MAST4: variants seen among roughly 807,000 people sequenced by gnomAD.
The protein encoded by MAST4 is microtubule-associated serine/threonine-protein kinase 4.
A neutral mutation model predicts 162.7 loss-of-function variants in MAST4; 89 were observed. That is an observed-to-expected ratio of 0.55 (90% CI 0.46 to 0.65). The LOEUF (loss-of-function observed/expected upper bound fraction) is 0.65. Ranked by LOEUF, MAST4 falls within the 30% of genes least tolerant of loss-of-function variation. The pLI is 0.00. For synonymous variants in MAST4, 1,479 were observed against 1,361.1 expected, an observed-to-expected ratio of 1.09 and a Z score of -1.91; for missense variants, 3,153 against 3,374.0, an observed-to-expected ratio of 0.93 and a Z score of 1.62.
At chr5:67,110,025 A>G (rs895601755) in intron 10 of MAST4, 73 bp from the exon 11 acceptor site, 2 of 1,057,914 alleles carry the variant, frequency 1.9e-6, no homozygotes, top group Non-Finnish European at 2.9e-6. Flanking sequence ...TCTAATTAGC[A>G]TGCTTTGCTG....
chr5:67,118,633 C>A, intron 12 of MAST4, 49 bp from the exon 13 acceptor site: 1 of 1,111,630 alleles, frequency 9.0e-7, no homozygotes, highest in Middle Eastern at 2.0e-4. Context: ...GTATTCTTAT[C>A]CAATTGCAAT....
chr5:66,995,445 C>A (rs890441613), intron 4 of MAST4, among the ~76,000 whole-genome samples: 1 of 152,112 alleles, frequency 6.6e-6, no homozygotes, highest in Non-Finnish European at 1.5e-5. Flanking sequence ...ACTCTGTCTC[C>A]CAGGTTGGAG....
At chr5:67,141,817 C>G (rs981477203) in intron 19 of MAST4, among the ~76,000 whole-genome samples, 1 of 152,126 alleles carries the variant, frequency 6.6e-6, no homozygotes, top group Admixed American at 6.5e-5. Context: ...CCAGGTTCAG[C>G]ATACTGTGAT....
rs186254238 is a variant in MAST4, at chr5:67,088,629, T to G, written c.764-1533T>G. Reference sequence around the variant, plus strand: ...AGAACTTAATTTAGCTGTGTGTAGATAAATGGACAAAATGAATCCTGGATT... The same window carrying G: ...AGAACTTAATTTAGCTGTGTGTAGAGAAATGGACAAAATGAATCCTGGATT... On this transcript the variant is annotated intron_variant, in intron 5 of 28. Transcript: ENST00000403625. Among the ~76,000 whole-genome samples the G allele has an allele frequency of 2.0e-3, 303 of 152,214 alleles. 4 individuals are homozygous for G. The highest frequency in any genetic ancestry group is 1.7e-3 in the Non-Finnish European group (118 of 68,010).
At chr5:67,018,271 A>T (rs2150376666) in intron 4 of MAST4, among the ~76,000 whole-genome samples, 1 of 152,318 alleles carries the variant, frequency 6.6e-6, no homozygotes, top group South Asian at 2.1e-4. Flanking sequence ...ACAGTTGCTT[A>T]TGCCTGTAAT....
In MAST4 at chr5:67,026,450, A is replaced by G. The variant is rs113705403; in HGVS notation, c.675-27954A>G. ...CTCACAGCCTGATAGACTGGGGAGT[A>G]GAGCAAAGTGCAGAGATTGATTTGT... On this transcript the variant is annotated intron_variant, in intron 4 of 28. Coordinates refer to ENST00000403625, the MANE Select transcript of MAST4 (RefSeq NM_001164664.2). 8.5e-5 allele frequency among the ~76,000 whole-genome samples: 13 copies of G among 152,344 alleles called. 1 individual carries two copies. Among genetic ancestry groups the G allele is most frequent in the African/African-American group, 2.6e-4 (11 of 41,592 alleles).
chr5:66,620,181 C>T (rs1211374643), intron 1 of MAST4, among the ~76,000 whole-genome samples: 1 of 151,192 alleles, frequency 6.6e-6, no homozygotes, highest in African/African-American at 2.4e-5. Flanking sequence ...GAAGATGAAA[C>T]CCTGGTATAG....
chr5:67,166,212 C>G lies in MAST4; in HGVS notation c.7033C>G (p.Leu2345Val). The change falls in exon 29 of 29, where the codon CTG (leucine) becomes GTG (valine). Residue 2345 changes from leucine (L) to valine (V), a missense_variant. By Grantham distance (32) the Leu-to-Val change is conservative. Coordinates refer to ENST00000403625, the MANE Select transcript of MAST4 (RefSeq NM_001164664.2). ...KPSTVKDCPT[L>V]CKQTDNRQTD... Reference sequence around the variant, plus strand: ...ATCCACTGTGAAAGATTGCCCCACCCTGTGCAAACAGACAGACAACAGACA... The same window carrying G: ...ATCCACTGTGAAAGATTGCCCCACCGTGTGCAAACAGACAGACAACAGACA... 6.4e-7 allele frequency: 1 copy of G among 1,552,884 alleles called. No homozygotes were observed. Among genetic ancestry groups the G allele is most frequent in the Non-Finnish European group, 8.7e-7 (1 of 1,147,512 alleles).
At chr5:66,935,093 G>A (rs1411709359) in intron 4 of MAST4, among the ~76,000 whole-genome samples, 2 of 152,196 alleles carry the variant, frequency 1.3e-5, no homozygotes, top group Admixed American at 6.5e-5. Flanking sequence ...TCGTGAGAGA[G>A]TGTATCAAAA....
rs878974325 is a variant in MAST4 at position 67,166,412 on chromosome 5, G to A, written c.7233G>A (p.Gly2411=). The change falls in exon 29 of 29, where the codon GGG becomes GGA. Residue 2411 remains glycine (G), a synonymous_variant. Transcript: ENST00000403625. ...KGAERPAAGV[G]KGFPEARGKG... ...CGGAGCGGCCAGCCGCGGGGGTGGG[G>A]AAGGGCTTCCCTGAGGCCAGAGGGA... The A allele has an allele frequency of 1.2e-6, 2 of 1,609,254 alleles. No individual in the cohort carries two copies. The highest frequency in any genetic ancestry group is 2.7e-5 in the African/African-American group (2 of 74,854).
intron 21 of MAST4, among the ~76,000 whole-genome samples, chr5:67,143,203 G>A (rs531971450): frequency 4.0e-5 from 6 of 151,142 alleles, no homozygotes; most frequent in Non-Finnish European, 7.4e-5. Flanking sequence ...AGAAGATAGC[G>A]TAAGCCCAGC....
At chr5:66,619,308 G>A (rs1743923758) in intron 1 of MAST4, among the ~76,000 whole-genome samples, 1 of 152,152 alleles carries the variant, frequency 6.6e-6, no homozygotes, top group South Asian at 2.1e-4. Flanking sequence ...GACTTGGTGA[G>A]TGAGAGCCCC....
At chr5:66,985,162 G>C (rs551866931) in intron 4 of MAST4, among the ~76,000 whole-genome samples, 4 of 152,142 alleles carry the variant, frequency 2.6e-5, no homozygotes, top group Non-Finnish European at 5.9e-5. Flanking sequence ...AGACCAGCCA[G>C]GTGATTTCAA....
chr5:66,812,319 A>G (rs1021613618), intron 3 of MAST4, among the ~76,000 whole-genome samples: 3 of 152,206 alleles, frequency 2.0e-5, no homozygotes, highest in Admixed American at 2.0e-4. Context: ...TAGTTTTATG[A>G]ACAAAAAGCC....
chr5:66,845,124 T>TAC lies in MAST4; in HGVS notation c.643-54826_643-54825insCA, dbSNP rs1250010685. 8.0e-3 allele frequency among the ~76,000 whole-genome samples: 793 copies of TAC among 98,818 alleles called. 2 individuals are homozygous for TAC. The highest frequency in any genetic ancestry group is 0.022 in the East Asian group (53 of 2,392). The allele number at this position is 98,818 out of a possible 152,430, so 64.8% of individuals were successfully genotyped here. ...ATATATATATATATATATATATATATATACACACACACACTTGAAGTTCTA... is the reference window on the plus strand; with the variant it reads ...ATATATATATATATATATATATATATACATACACACACACACTTGAAGTTCTA... On this transcript the variant is annotated intron_variant, in intron 3 of 28. Transcript: ENST00000403625.
At chr5:67,149,092 A>G (rs1426099528) in intron 23 of MAST4, among the ~76,000 whole-genome samples, 1 of 152,116 alleles carries the variant, frequency 6.6e-6, no homozygotes, top group African/African-American at 2.4e-5. Flanking sequence ...AAAAATATAG[A>G]TTGTTGAAAG....
chr5:66,953,588 C>A (rs891047042), intron 4 of MAST4, among the ~76,000 whole-genome samples: 4 of 152,056 alleles, frequency 2.6e-5, no homozygotes, highest in African/African-American at 7.2e-5. Context: ...GAAAACGGGA[C>A]AGAAGTATAT....
intron 26 of MAST4, among the ~76,000 whole-genome samples, chr5:67,155,007 G>A (rs745365736): frequency 1.3e-5 from 2 of 152,212 alleles, no homozygotes; most frequent in Non-Finnish European, 2.9e-5. Context: ...TTTTATACTT[G>A]CAAAGGACTT....
chr5:67,090,404 T>C (rs1581521586), intron 6 of MAST4, among the ~76,000 whole-genome samples, 173 bp downstream of exon 6: 1 of 64,338 alleles, frequency 1.6e-5, no homozygotes, highest in Non-Finnish European at 2.9e-5. Flanking sequence ...CTTCTCCCCC[T>C]CCCCACTTTT....
Sources: allele counts gnomAD v4.1 joint callset (sites outside exome capture counted in the v4.1 genomes callset), GRCh38; gene constraint gnomAD v4.1.1; transcripts MANE v1.5; gene names NCBI Gene and HGNC (gene_info 2026-07-23, HGNC 2026-07-21).